The following ATP8B4 variants were observed in gnomAD, a reference collection of about 807,000 sequenced individuals.
The protein encoded by ATP8B4 is probable phospholipid-transporting ATPase IM.
ATP8B4 carries 133 observed loss-of-function variants against 145.6 expected under a neutral mutation model. The ratio of observed to expected loss-of-function variants is 0.91; its 90% CI spans 0.79 to 1.05. The LOEUF is 1.05. Among genes scored for constraint, ATP8B4 ranks in the 50% least tolerant of loss-of-function variants. The probability of loss-of-function intolerance (pLI) is 0.00; values close to 1 mark genes in which losing one functional copy is unlikely to be tolerated. For missense variants in ATP8B4, 1,458 were observed against 1,425.2 expected, an observed-to-expected ratio of 1.02 and a Z score of -0.37; for synonymous variants, 507 against 492.9, an observed-to-expected ratio of 1.03 and a Z score of -0.38.
intron 14 of ATP8B4, among the ~76,000 whole-genome samples, chr15:49,958,398 G>A (rs2043772896): frequency 6.6e-6 from 1 of 151,404 alleles, no homozygotes; most frequent in South Asian, 2.1e-4. Flanking sequence ...TGTAAGGAAC[G>A]AAGAAGGCAT....
chr15:49,861,770 C>T (rs1374334267), intron 27 of ATP8B4, among the ~76,000 whole-genome samples: 2 of 152,208 alleles, frequency 1.3e-5, no homozygotes, highest in Non-Finnish European at 2.9e-5. Context: ...TGCTCTTCCC[C>T]TTCTTAATCT....
intron 20 of ATP8B4, among the ~76,000 whole-genome samples, chr15:49,909,609 C>T (rs1354445791): frequency 6.6e-6 from 1 of 151,228 alleles, no homozygotes; most frequent in Non-Finnish European, 1.5e-5. Context: ...CACTGGGGCC[C>T]AAGGACTGTC....
intron 8 of ATP8B4, among the ~76,000 whole-genome samples, chr15:49,998,254 C>T (rs2047588243): frequency 6.6e-6 from 1 of 152,120 alleles, no homozygotes; most frequent in African/African-American, 2.4e-5. Context: ...GGTATATACC[C>T]AGTAATGGGA....
intron 16 of ATP8B4, 95 bp from the exon 17 acceptor site, chr15:49,923,589 G>A: frequency 1.2e-6 from 1 of 802,470 alleles, no homozygotes; most frequent in East Asian, 2.7e-5. Flanking sequence ...TTTGGAAATG[G>A]GCATAATGTT....
intron 1 of ATP8B4, among the ~76,000 whole-genome samples, chr15:50,107,254 T>C (rs2056730682): frequency 6.6e-6 from 1 of 152,190 alleles, no homozygotes; most frequent in South Asian, 2.1e-4. Context: ...GCCACTCAAT[T>C]TGGCATTCAA....
chr15:50,161,464 T>C (rs2044516946), intron 1 of ATP8B4, among the ~76,000 whole-genome samples: 2 of 152,208 alleles, frequency 1.3e-5, no homozygotes, highest in Non-Finnish European at 2.9e-5. Flanking sequence ...GTCTTCCTTT[T>C]AGTGAAGGTG....
chr15:50,062,437 C>T (rs150943631), intron 3 of ATP8B4, among the ~76,000 whole-genome samples: 20 of 152,216 alleles, frequency 1.3e-4, no homozygotes, highest in African/African-American at 4.6e-4. Flanking sequence ...TCCTGTACAG[C>T]CTTGTAGAAC....
intron 20 of ATP8B4, 57 bp downstream of exon 20, chr15:49,916,877 T>C: frequency 6.6e-7 from 1 of 1,504,970 alleles, no homozygotes; most frequent in Non-Finnish European, 9.2e-7. Context: ...CTCTCTGATC[T>C]TTTTTCCCTC....
intron 1 of ATP8B4, among the ~76,000 whole-genome samples, chr15:50,138,795 CA>C (rs1223635199): frequency 1.3e-5 from 2 of 152,190 alleles, no homozygotes; most frequent in Non-Finnish European, 2.9e-5. Context: ...ATACAACCGC[CA>C]CTTTCTCCTA....
At chr15:50,024,921 TCA>T (rs1394708627) in intron 6 of ATP8B4, among the ~76,000 whole-genome samples, 3 of 152,142 alleles carry the variant, frequency 2.0e-5, no homozygotes, top group Non-Finnish European at 4.4e-5. Context: ...TCCGAGGACC[TCA>T]CACTCTCAAG....
At chr15:49,867,907 C>A (rs2033074049) in intron 25 of ATP8B4, among the ~76,000 whole-genome samples, 1 of 152,060 alleles carries the variant, frequency 6.6e-6, no homozygotes. Context: ...CAAAACAATA[C>A]AAATAATATC....
At chr15:50,157,333 T>A (rs575919707) in intron 1 of ATP8B4, among the ~76,000 whole-genome samples, 2 of 152,262 alleles carry the variant, frequency 1.3e-5, no homozygotes, top group South Asian at 4.1e-4. Context: ...GAGAGAAGAC[T>A]CACCAGTGCA....
intron 3 of ATP8B4, among the ~76,000 whole-genome samples, chr15:50,073,451 T>A (rs113119217): frequency 0.19 from 29,244 of 152,186 alleles, 3,138 homozygotes; most frequent in East Asian, 0.32. Context: ...TTCCATGGTG[T>A]ATATGTGCCA....
intron 4 of ATP8B4, among the ~76,000 whole-genome samples, chr15:50,046,308 ACT>A (rs1003589797): frequency 7.5e-5 from 11 of 146,454 alleles, no homozygotes; most frequent in Non-Finnish European, 7.5e-5. Context: ...TCTCTGCCCC[ACT>A]CTCTCTCTCT....
At chr15:49,917,238 T>C in intron 19 of ATP8B4, 199 bp from the exon 20 acceptor site, 2 of 529,666 alleles carry the variant, frequency 3.8e-6, no homozygotes, top group Non-Finnish European at 6.7e-6. Flanking sequence ...AATTCCCTAC[T>C]TGCTAAACCC....
chr15:50,176,429 G>A (rs562939808), intron 1 of ATP8B4, among the ~76,000 whole-genome samples: 1 of 152,144 alleles, frequency 6.6e-6, no homozygotes, highest in Admixed American at 6.5e-5. Flanking sequence ...TACTGCTCAG[G>A]TCATGGGTGC....
At chr15:50,045,426 C>T (rs1329696910) in intron 4 of ATP8B4, among the ~76,000 whole-genome samples, 1 of 152,132 alleles carries the variant, frequency 6.6e-6, no homozygotes, top group Non-Finnish European at 1.5e-5. Flanking sequence ...ATAAGAGAGA[C>T]ATAGTGACAG....
At chr15:49,884,137 T>C (rs1279836040) in intron 23 of ATP8B4, among the ~76,000 whole-genome samples, 3 of 152,226 alleles carry the variant, frequency 2.0e-5, no homozygotes, top group Admixed American at 6.5e-5. Context: ...TAGATTTTTT[T>C]CTTCATTTTC....
intron 2 of ATP8B4, among the ~76,000 whole-genome samples, chr15:50,079,008 C>A (rs1343365824): frequency 2.0e-5 from 3 of 152,172 alleles, no homozygotes; most frequent in Non-Finnish European, 4.4e-5. Context: ...GTAAGACCTA[C>A]TATTTGACAG....
Sources: gnomAD v4.1 joint callset for allele counts (sites outside exome capture counted in the v4.1 genomes callset) on GRCh38, gnomAD v4.1.1 for gene constraint, MANE v1.5 for transcripts, NCBI Gene and HGNC (gene_info 2026-07-23, HGNC 2026-07-21) for gene names.